Variants in TEX101 observed in about 807,000 individuals in gnomAD.
TEX101 encodes the protein testis expressed 101.
A neutral mutation model predicts 18.1 loss-of-function variants in TEX101; 10 were observed. The observed-to-expected ratio is 0.55, with a 90% CI of 0.34 to 0.94. The LOEUF (loss-of-function observed/expected upper bound fraction) is 0.94, where lower values mean the gene tolerates loss of function less well. Ranked by LOEUF, TEX101 falls within the 40% of genes least tolerant of loss-of-function variation. The pLI is 0.02. For missense variants in TEX101, 259 were observed against 298.9 expected, an observed-to-expected ratio of 0.87 and a Z score of 0.98; for synonymous variants, 94 against 114.8, an observed-to-expected ratio of 0.82 and a Z score of 1.16.
rs752499053 is a variant in TEX101 at position 43,418,168 on chromosome 19, G to A, written c.521G>A (p.Gly174Asp). ...CYQGKLEITG[G>D]GIESSVEVKG... The stretch of plus-strand genomic sequence containing the variant: ...CTCCCGATCCTTCCTTGTTCTATAG[G>A]TGGCATTGAGTCGTCTGTGGAGGTC... Residue 174 changes from glycine (G) to aspartate (D), a missense_variant and splice_region_variant, in exon 6 of 6, where the codon GGT becomes GAT. Gly to Asp is a moderately conservative substitution (Grantham distance 94). Coordinates refer to ENST00000598265, the MANE Select transcript of TEX101 (RefSeq NM_001130011.3). 2 of 1,614,146 alleles carry A rather than the reference G, an allele frequency of 1.2e-6. No individual in the cohort carries two copies. The highest frequency in any genetic ancestry group is 2.2e-5 in the East Asian group (1 of 44,886).
the TEX101 span, among the ~76,000 whole-genome samples, chr19:43,390,460 C>CTTTTTTTTTCTTT: frequency 2.0e-5 from 1 of 49,856 alleles, no homozygotes; most frequent in African/African-American, 8.3e-5. Flanking sequence ...CTTTTTTTTT[C>CTTTTTTTTTCTTT]TTTTTTTTTT....
At chr19:43,404,398 A>C (rs1370820966) in intron 2 of TEX101, among the ~76,000 whole-genome samples, 4 of 151,718 alleles carry the variant, frequency 2.6e-5, no homozygotes, top group African/African-American at 9.8e-5. Flanking sequence ...CTGAAATGTG[A>C]TATCTATATT....
intron 4 of TEX101, among the ~76,000 whole-genome samples, chr19:43,417,107 T>C (rs1970488454): frequency 6.6e-6 from 1 of 151,384 alleles, no homozygotes; most frequent in Non-Finnish European, 1.5e-5. Context: ...CTAACAAGTA[T>C]TGGTTTCCCA....
chr19:43,415,798 A>T, intron 1 of TEX101, 83 bp from the exon 2 acceptor site: 1 of 1,209,738 alleles, frequency 8.3e-7, no homozygotes, highest in Non-Finnish European at 1.2e-6. Flanking sequence ...CCCCACCCTG[A>T]AGTCAGTACT....
chr19:43,415,882 T>C lies in TEX101; in HGVS notation c.-38T>C, dbSNP rs1568458598. On this transcript the variant is annotated splice_region_variant and 5_prime_UTR_variant, in exon 2 of 6. Transcript: ENST00000598265. ...GCCTTCTCTCCATCAAATTCACAGA[T>C]CCAGACCAGCTCCTCCCAGACCTCT... The C allele has an allele frequency of 6.8e-6, 11 of 1,613,710 alleles. No homozygotes were observed. The highest frequency in any genetic ancestry group is 9.3e-6 in the Non-Finnish European group (11 of 1,179,926).
At chr19:43,408,411 C>T (rs897755789) in intron 3 of TEX101, among the ~76,000 whole-genome samples, 5 of 152,158 alleles carry the variant, frequency 3.3e-5, no homozygotes, top group Non-Finnish European at 7.3e-5. Context: ...GGCGGCCTCG[C>T]CTGTGGCCAT....
chr19:43,397,072 G>C (rs1970273861), upstream of TEX101, among the ~76,000 whole-genome samples: 3 of 151,886 alleles, frequency 2.0e-5, no homozygotes, highest in Admixed American at 2.0e-4. Context: ...TCCTGACCTC[G>C]TGATCCACCC....
At chr19:43,395,047 C>T in the TEX101 span, among the ~76,000 whole-genome samples, 1 of 152,094 alleles carries the variant, frequency 6.6e-6, no homozygotes, top group Non-Finnish European at 1.5e-5. Flanking sequence ...AATGGTTAGA[C>T]TTGTGGGGCT....
upstream of TEX101, among the ~76,000 whole-genome samples, chr19:43,399,627 G>A (rs1970302125): frequency 6.6e-6 from 1 of 152,036 alleles, no homozygotes; most frequent in Non-Finnish European, 1.5e-5. Context: ...AGCTTTGTGA[G>A]CTAGTTCCCT....
At chr19:43,398,890 T>C (rs1315395379), upstream of TEX101, among the ~76,000 whole-genome samples, 1 of 152,230 alleles carries the variant, frequency 6.6e-6, no homozygotes, top group Admixed American at 6.5e-5. Flanking sequence ...TTGTTCCTGC[T>C]TTCTTTGGCT....
At chr19:43,411,966 C>T (rs952565009), upstream of TEX101, among the ~76,000 whole-genome samples, 1 of 152,182 alleles carries the variant, frequency 6.6e-6, no homozygotes, top group Non-Finnish European at 1.5e-5. Context: ...CTAACCTCTT[C>T]ATTTTCTAGA....
At chr19:43,406,083 A>G (rs1376541052) in intron 2 of TEX101, 1 of 148,358 alleles carries the variant, frequency 6.7e-6, no homozygotes, top group Non-Finnish European at 1.4e-5. Context: ...TGTCTCTACA[A>G]AAAAAAAAAA....
chr19:43,390,736 G>C, the TEX101 span, among the ~76,000 whole-genome samples: 1 of 151,274 alleles, frequency 6.6e-6, no homozygotes, highest in Non-Finnish European at 1.5e-5. Flanking sequence ...CAAAGTGCTG[G>C]GATTAGACGT....
upstream of TEX101, among the ~76,000 whole-genome samples, chr19:43,414,498 C>CA (rs1200016331): frequency 6.6e-6 from 1 of 152,156 alleles, no homozygotes; most frequent in African/African-American, 2.4e-5. Context: ...GGTGCCGAGG[C>CA]AGGGGCCAGG....
intron 3 of TEX101, 24 bp from the exon 4 acceptor site, chr19:43,416,349 C>T: frequency 1.2e-6 from 2 of 1,601,910 alleles, no homozygotes; most frequent in Non-Finnish European, 1.7e-6. Context: ...CCATCCATTT[C>T]CCCTCCTTCC....
Position 43,406,655 on chromosome 19 carries a change from C to A in TEX101, c.15+136C>A, listed in dbSNP as rs1026619848. ...AAGCCTTAGCCAAGCTCACCAGGGG[C>A]AGCGCTAGATGGGGAGACTGGGACA... On this transcript the variant is annotated intron_variant, in intron 3 of 7. Coordinates refer to the TEX101 transcript ENST00000602198. The A allele has an allele frequency of 6.9e-6, 4 of 577,314 alleles. No homozygotes were observed. The African/African-American group carries it at 7.8e-5, about 11-fold the overall frequency. 35.8% of individuals were successfully genotyped at this position (577,314 alleles called of 1,614,324 possible). A position where few individuals can be genotyped will look rare whatever the true frequency, so the allele number is the denominator to read the frequency against.
chr19:43,415,239 G>A (rs1279592123), intron 1 of TEX101, among the ~76,000 whole-genome samples: 1 of 150,404 alleles, frequency 6.6e-6, no homozygotes, highest in East Asian at 1.9e-4. Flanking sequence ...GGCTGGGGCT[G>A]GGGGCCGAGA....
chr19:43,409,977 C>T (rs746690517), upstream of TEX101, among the ~76,000 whole-genome samples: 7 of 151,970 alleles, frequency 4.6e-5, no homozygotes, highest in Non-Finnish European at 8.8e-5. Context: ...TTTGAGGCTG[C>T]AGTGAGCTGT....
chr19:43,415,972 C>T lies in TEX101; in HGVS notation c.53C>T (p.Ser18Phe). ...CTGATCCTCCTGGTCCTAGGAGCCT[C>T]CCTCCTGACCTGTGCGTATGGGGGA... The part of the protein sequence containing the change: ...HLLILLVLGA[S>F]LLTSGLELYC... The change falls in exon 2 of 6, where the codon TCC (serine) becomes TTC (phenylalanine). Residue 18 changes from serine to phenylalanine, a missense_variant. Physicochemically the swap from Ser to Phe is radical, Grantham distance 155 (BLOSUM62 -2). Coordinates refer to ENST00000598265, the MANE Select transcript of TEX101 (RefSeq NM_001130011.3). 1 of 1,614,140 alleles carries T rather than the reference C, an allele frequency of 6.2e-7. No homozygotes were observed. The highest frequency in any genetic ancestry group is 8.5e-7 in the Non-Finnish European group (1 of 1,179,994).
Sources: gnomAD v4.1 joint callset for allele counts (sites outside exome capture counted in the v4.1 genomes callset) on GRCh38, gnomAD v4.1.1 for gene constraint, MANE v1.5 for transcripts, NCBI Gene and HGNC (gene_info 2026-07-23, HGNC 2026-07-21) for gene names.